The following GYPC variants were observed in gnomAD, a reference collection of about 807,000 sequenced individuals.
GYPC encodes the protein glycophorin-C.
GYPC carries 14 observed loss-of-function variants against 12.6 expected under a neutral mutation model. The observed-to-expected ratio is 1.11, with a 90% CI of 0.74 to 1.74. The LOEUF is 1.74. Ranked by LOEUF, GYPC falls within the 40% of genes most tolerant of loss-of-function variation. The pLI, the probability that GYPC is intolerant of heterozygous loss-of-function variation, is 0.00. For synonymous variants in GYPC, 78 were observed against 62.1 expected (o/e 1.26, Z -1.20); for missense variants, 225 against 172.1 (o/e 1.31, Z -1.72).
At chr2:126,686,693 C>T (rs1336075023) in intron 1 of GYPC, 1 of 984,964 alleles carries the variant, frequency 1.0e-6, no homozygotes, top group Non-Finnish European at 1.2e-6. Flanking sequence ...TGGAGGAGGG[C>T]TGGGAAGAAA....
At chr2:126,665,715 G>C (rs897710733) in intron 1 of GYPC, among the ~76,000 whole-genome samples, 1 of 152,244 alleles carries the variant, frequency 6.6e-6, no homozygotes. Context: ...GGCTGTGCAC[G>C]CCCTGGCAAG....
intron 1 of GYPC, among the ~76,000 whole-genome samples, chr2:126,673,405 G>A (rs1682906536): frequency 6.6e-6 from 1 of 152,266 alleles, no homozygotes; most frequent in Admixed American, 6.5e-5. Flanking sequence ...TGGGGGTGGA[G>A]AAGGTGATCA....
intron 1 of GYPC, among the ~76,000 whole-genome samples, chr2:126,671,923 A>G (rs1260880922): frequency 3.3e-5 from 5 of 152,212 alleles, no homozygotes; most frequent in Non-Finnish European, 7.4e-5. Flanking sequence ...TAAGGGTGGC[A>G]ATGTTTGAGA....
At chr2:126,690,365 G>A in intron 2 of GYPC, 54 bp downstream of exon 2, 1 of 1,304,500 alleles carries the variant, frequency 7.7e-7, no homozygotes, top group South Asian at 1.2e-5. Flanking sequence ...GACTTCAGAT[G>A]AGCTCTCATC....
chr2:126,677,391 A>T (rs1216975156), intron 1 of GYPC, among the ~76,000 whole-genome samples: 1 of 149,562 alleles, frequency 6.7e-6, no homozygotes, highest in South Asian at 2.1e-4. Flanking sequence ...GAGTGTGTTT[A>T]TTAGTGTGTT....
At chr2:126,683,415 A>T (rs1399161110) in intron 1 of GYPC, among the ~76,000 whole-genome samples, 1 of 151,860 alleles carries the variant, frequency 6.6e-6, no homozygotes, top group Non-Finnish European at 1.5e-5. Flanking sequence ...GACAAGGGCA[A>T]CTCCACCTTG....
intron 1 of GYPC, among the ~76,000 whole-genome samples, chr2:126,683,319 C>CA (rs143036975): frequency 0.26 from 38,948 of 148,236 alleles, 5,303 homozygotes; most frequent in Non-Finnish European, 0.32. Flanking sequence ...GACTCTGTCT[C>CA]AAAAAAAAAA....
chr2:126,678,004 G>A (rs756572610), intron 1 of GYPC, among the ~76,000 whole-genome samples: 2 of 152,152 alleles, frequency 1.3e-5, no homozygotes, highest in Non-Finnish European at 2.9e-5. Context: ...GGCGGATCAC[G>A]AGGTCAGGAG....
intron 3 of GYPC, among the ~76,000 whole-genome samples, chr2:126,694,294 T>C (rs1683576730): frequency 6.6e-6 from 1 of 152,130 alleles, no homozygotes; most frequent in African/African-American, 2.4e-5. Flanking sequence ...ACCATCTCCC[T>C]CATCCCACAT....
At position 126,663,962 on chromosome 2, in the gene GYPC, C is replaced by G. The variant is rs528146933; in HGVS notation, c.49+7650C>G. 8.5e-3 allele frequency among the ~76,000 whole-genome samples: 352 copies of G among 41,376 alleles called. 5 individuals carry two copies. The highest frequency in any genetic ancestry group is 0.029 in the African/African-American group (338 of 11,824). The allele number at this position is 41,376 out of a possible 152,430, so 27.1% of individuals were successfully genotyped here. On this transcript the variant is annotated intron_variant, in intron 1 of 3. Coordinates refer to ENST00000259254, the MANE Select transcript of GYPC (RefSeq NM_002101.5). ...CTCTAAGGTTCTGGTCTCTCTCTCT[C>G]TCTCTCTCTCTCTCTCTCTCTCTCT...
At chr2:126,688,039 G>A (rs186813444) in intron 1 of GYPC, among the ~76,000 whole-genome samples, 8 of 152,190 alleles carry the variant, frequency 5.3e-5, no homozygotes, top group South Asian at 2.1e-4. Context: ...TTTCTGGGAC[G>A]CAGCTGCCAA....
intron 1 of GYPC, among the ~76,000 whole-genome samples, chr2:126,682,903 C>A (rs528416388): frequency 4.6e-5 from 7 of 152,230 alleles, no homozygotes; most frequent in Non-Finnish European, 1.0e-4. Flanking sequence ...GCCTCCTCCC[C>A]ACTCTTCCTG....
At chr2:126,693,765 G>C (rs1221076573) in intron 2 of GYPC, 99 bp from the exon 3 acceptor site, 3 of 828,662 alleles carry the variant, frequency 3.6e-6, no homozygotes, top group African/African-American at 3.3e-5. Context: ...CATTCTCAGA[G>C]CTGCTCACAC....
chr2:126,671,100 C>T (rs1296336486), intron 1 of GYPC, among the ~76,000 whole-genome samples: 1 of 152,168 alleles, frequency 6.6e-6, no homozygotes, highest in Non-Finnish European at 1.5e-5. Flanking sequence ...GGTCAGGGAG[C>T]AGGCAGCAGC....
chr2:126,685,507 C>A (rs750926022), intron 1 of GYPC, among the ~76,000 whole-genome samples: 2 of 152,028 alleles, frequency 1.3e-5, no homozygotes, highest in Non-Finnish European at 2.9e-5. Flanking sequence ...GCCTTAGCCT[C>A]CTGAGTAGCT....
At chr2:126,663,950 G>GTCTCTCTCTCTCTCTCTCTCTC (rs61649506) in intron 1 of GYPC, among the ~76,000 whole-genome samples, 1 of 129,854 alleles carries the variant, frequency 7.7e-6, no homozygotes, top group African/African-American at 3.1e-5. Context: ...TAAGGTTCTG[G>GTCTCTCTCTCTCTCTCTCTCTC]TCTCTCTCTC....
intron 3 of GYPC, among the ~76,000 whole-genome samples, chr2:126,695,609 C>A (rs1286922271): frequency 6.6e-6 from 1 of 152,062 alleles, no homozygotes; most frequent in African/African-American, 2.4e-5. Flanking sequence ...CCCAGGCTGG[C>A]AATATATAGT....
chr2:126,663,846 C>T (rs1218549354), intron 1 of GYPC, among the ~76,000 whole-genome samples: 1 of 152,210 alleles, frequency 6.6e-6, no homozygotes, highest in Non-Finnish European at 1.5e-5. Flanking sequence ...TCACCTGGCC[C>T]TCATGCGCTC....
intron 1 of GYPC, chr2:126,686,692 G>A (rs942321579): frequency 1.4e-5 from 14 of 985,210 alleles, no homozygotes; most frequent in Non-Finnish European, 1.7e-5. Context: ...CTGGAGGAGG[G>A]CTGGGAAGAA....
Sources: gnomAD v4.1 joint callset for allele counts (sites outside exome capture counted in the v4.1 genomes callset) on GRCh38, gnomAD v4.1.1 for gene constraint, MANE v1.5 for transcripts, NCBI Gene and HGNC (gene_info 2026-07-23, HGNC 2026-07-21) for gene names.